The following FAM135A variants were observed in gnomAD, a reference collection of about 807,000 sequenced individuals.
The protein encoded by FAM135A is protein FAM135A.
In FAM135A, 79 loss-of-function variants were observed where a neutral mutation model predicts 146.8. That is an observed-to-expected ratio of 0.54 (90% CI 0.45 to 0.65). The LOEUF (loss-of-function observed/expected upper bound fraction) is 0.65, where lower values mean the gene tolerates loss of function less well. Ranked by LOEUF, FAM135A falls within the 30% of genes least tolerant of loss-of-function variation. The probability of loss-of-function intolerance (pLI) is 0.00; values close to 1 mark genes in which losing one functional copy is unlikely to be tolerated. For missense variants in FAM135A, 1,623 were observed against 1,758.2 expected (o/e 0.92, Z 1.38); for synonymous variants, 562 against 603.6 (o/e 0.93, Z 1.01).
Position 70,475,564 on chromosome 6 carries a change from ATATT to A in FAM135A, c.297+23_297+26del, listed in dbSNP as rs760712087. 1.3e-6 allele frequency: 2 copies of A among 1,579,180 alleles called. No homozygotes were observed. The highest frequency in any genetic ancestry group is 4.5e-5 in the East Asian group (2 of 44,384). On this transcript the variant is annotated intron_variant, in intron 6 of 21. Transcript: ENST00000418814. ...ATGAAAGAAAGGTAAACATCTCTTC[ATATT>A]TATTTATGTAAATATTTTTTGTAAT...
At chr6:70,474,280 C>T (rs555964585) in intron 5 of FAM135A, among the ~76,000 whole-genome samples, 16 of 149,754 alleles carry the variant, frequency 1.1e-4, no homozygotes, top group African/African-American at 3.5e-4. Context: ...TTTTCTTTTT[C>T]TTTTTTTTCT....
rs182316319 is a variant in FAM135A, at chr6:70,533,667, G to C, written c.3868-90G>C. The C allele has an allele frequency of 3.4e-3, 2,571 of 755,672 alleles. 8 individuals carry two copies. The highest frequency in any genetic ancestry group is 6.0e-3 in the Admixed American group (177 of 29,740). 46.8% of individuals were successfully genotyped at this position (755,672 alleles called of 1,614,324 possible). On this transcript the variant is annotated intron_variant, in intron 17 of 21. Coordinates refer to ENST00000418814, the MANE Select transcript of FAM135A (RefSeq NM_001162529.3). The stretch of plus-strand genomic sequence containing the variant: ...AACATTGAACTTAACCATACTTTCA[G>C]TACCTAAATTAAAAATGTTTATATT...
chr6:70,545,547 G>A (rs1235366574), intron 20 of FAM135A, among the ~76,000 whole-genome samples: 1 of 151,992 alleles, frequency 6.6e-6, no homozygotes, highest in Non-Finnish European at 1.5e-5. Context: ...CCCAGGAGTT[G>A]GAGGCCTGCA....
intron 10 of FAM135A, 58 bp from the exon 11 acceptor site, chr6:70,490,975 AT>A: frequency 7.9e-7 from 1 of 1,260,598 alleles, no homozygotes; most frequent in South Asian, 1.6e-5. Flanking sequence ...TGGGAATTTT[AT>A]TTATATAAAT....
chr6:70,436,880 G>GA lies in FAM135A; in HGVS notation c.77+8470dup, dbSNP rs200417017. Among the ~76,000 whole-genome samples the GA allele has an allele frequency of 5.6e-3, 843 of 150,688 alleles. 12 individuals carry two copies. Among genetic ancestry groups the GA allele is most frequent in the Admixed American group, 0.015 (234 of 15,150 alleles). On this transcript the variant is annotated intron_variant, in intron 4 of 21. Coordinates refer to ENST00000418814, the MANE Select transcript of FAM135A (RefSeq NM_001162529.3). ...ATAGAGGAGGTCAAATTAACTGTGG[G>GA]AAAAAAAAACTACTACCGAAAACCA...
At chr6:70,454,862 A>G (rs1235572104) in intron 5 of FAM135A, among the ~76,000 whole-genome samples, 1 of 152,126 alleles carries the variant, frequency 6.6e-6, no homozygotes, top group African/African-American at 2.4e-5. Flanking sequence ...GTCAGGTAGC[A>G]TGACGTCTCC....
chr6:70,420,254 A>C (rs1411771370), intron 2 of FAM135A, among the ~76,000 whole-genome samples: 2 of 152,022 alleles, frequency 1.3e-5, no homozygotes, highest in Non-Finnish European at 2.9e-5. Flanking sequence ...TTCAGGAGTC[A>C]AGGCTGTTTG....
At position 70,526,081 on chromosome 6, in the gene FAM135A, T is replaced by C. The variant is rs1250127397; in HGVS notation, c.2997T>C (p.Asn999=). The change falls in exon 15 of 22, where the codon AAT becomes AAC. Residue 999 remains asparagine, a synonymous_variant. Coordinates refer to ENST00000418814, the MANE Select transcript of FAM135A (RefSeq NM_001162529.3). ...DVSEDRTMKK[N]SDVLNLTQMY... is the part of the protein sequence containing the mutation. ...GTGAAGATAGAACTATGAAAAAAAA[T>C]AGTGATGTATTAAATCTCACACAGA... is the stretch of plus-strand genomic sequence containing the variant. 1 of 1,612,934 alleles carries C rather than the reference T, an allele frequency of 6.2e-7. No individual in the cohort carries two copies. The highest frequency in any genetic ancestry group is 2.2e-5 in the East Asian group (1 of 44,850).
chr6:70,499,691 G>A (rs1788063211), intron 11 of FAM135A, among the ~76,000 whole-genome samples: 1 of 152,096 alleles, frequency 6.6e-6, no homozygotes, highest in Admixed American at 6.5e-5. Context: ...AAATCCCTCA[G>A]CATTTCCTTG....
At position 70,526,612 on chromosome 6, in the gene FAM135A, C is replaced by T. The variant is rs181814115; in HGVS notation, c.3528C>T (p.Ala1176=). ...VKYSSKSKFD[A]ITKQPSSTSY... ...ATTCTTCCAAAAGTAAATTTGATGC[C>T]ATTACAAAGCAGCCAAGCAGTACTT... Residue 1176 remains alanine, a synonymous_variant, in exon 15 of 22, where the codon GCC becomes GCT. Coordinates refer to ENST00000418814, the MANE Select transcript of FAM135A (RefSeq NM_001162529.3). The T allele has an allele frequency of 8.7e-6, 14 of 1,613,176 alleles. No individual in the cohort carries two copies. The highest frequency in any genetic ancestry group is 1.7e-5 in the Admixed American group (1 of 59,956).
intron 8 of FAM135A, 103 bp downstream of exon 8, chr6:70,477,435 G>C: frequency 8.1e-7 from 1 of 1,228,226 alleles, no homozygotes; most frequent in Admixed American, 2.5e-5. Context: ...ATTGGGTCAT[G>C]GTTCTTCAGG....
At chr6:70,446,587 G>A (rs1164530022) in intron 4 of FAM135A, among the ~76,000 whole-genome samples, 1 of 152,140 alleles carries the variant, frequency 6.6e-6, no homozygotes, top group African/African-American at 2.4e-5. Context: ...TTTGAGGGTG[G>A]AATGCCTTGA....
intron 12 of FAM135A, among the ~76,000 whole-genome samples, chr6:70,510,967 G>A (rs13207234): frequency 0.12 from 18,878 of 151,878 alleles, 1,619 homozygotes; most frequent in Middle Eastern, 0.22. Flanking sequence ...TTTTATCATG[G>A]CCAACCTAGT....
intron 18 of FAM135A, 41 bp downstream of exon 18, chr6:70,533,895 A>C (rs993154579): frequency 9.3e-7 from 1 of 1,071,618 alleles, no homozygotes; most frequent in Non-Finnish European, 1.3e-6. Flanking sequence ...TTATATTTCT[A>C]TGAATTGTAT....
chr6:70,548,145 C>CAA (rs1319294081), intron 20 of FAM135A, among the ~76,000 whole-genome samples: 5 of 152,168 alleles, frequency 3.3e-5, no homozygotes, highest in African/African-American at 1.2e-4. Flanking sequence ...TGCTGTGCTT[C>CAA]ACTTTGAGTT....
chr6:70,471,512 G>A (rs572519347), intron 5 of FAM135A, among the ~76,000 whole-genome samples: 16 of 152,154 alleles, frequency 1.1e-4, no homozygotes, highest in African/African-American at 3.4e-4. Flanking sequence ...GCTAAATAAT[G>A]AGAACACATG....
intron 8 of FAM135A, among the ~76,000 whole-genome samples, chr6:70,478,145 C>T (rs934466273): frequency 1.3e-5 from 2 of 152,050 alleles, no homozygotes; most frequent in African/African-American, 4.8e-5. Flanking sequence ...TTTTACTCAA[C>T]CTTTTAAAAC....
intron 5 of FAM135A, among the ~76,000 whole-genome samples, chr6:70,463,199 CGTAG>C (rs1282542384): frequency 6.6e-6 from 1 of 152,054 alleles, no homozygotes; most frequent in Non-Finnish European, 1.5e-5. Flanking sequence ...TTTTTAAAAC[CGTAG>C]GTAACTCCCC....
intron 21 of FAM135A, chr6:70,557,091 G>A (rs1029787276): frequency 1.8e-6 from 1 of 569,178 alleles, no homozygotes; most frequent in Admixed American, 3.1e-5. Flanking sequence ...TCTCCATTTT[G>A]CTGCCTCAGA....
Sources: allele counts gnomAD v4.1 joint callset (sites outside exome capture counted in the v4.1 genomes callset), GRCh38; gene constraint gnomAD v4.1.1; transcripts MANE v1.5; gene names NCBI Gene and HGNC (gene_info 2026-07-23, HGNC 2026-07-21).